Variants in RPH3A observed in about 807,000 individuals in gnomAD.
The protein encoded by RPH3A is rabphilin-3A.
Under a neutral mutation model 102.2 loss-of-function variants are expected in RPH3A, and 48 were observed. That is an observed-to-expected ratio of 0.47 (90% CI 0.37 to 0.60). The LOEUF (loss-of-function observed/expected upper bound fraction) is 0.60. Among genes scored for constraint, RPH3A ranks in the 20% least tolerant of loss-of-function variants. The pLI, the probability that RPH3A is intolerant of heterozygous loss-of-function variation, is 0.00. For missense variants in RPH3A, 781 were observed against 910.1 expected (o/e 0.86, Z 1.83); for synonymous variants, 310 against 324.3 (o/e 0.96, Z 0.47).
chr12:112,727,404 A>AT (rs1415017382), intron 1 of RPH3A, among the ~76,000 whole-genome samples: 151 of 129,812 alleles, frequency 1.2e-3, no homozygotes, highest in African/African-American at 3.6e-3. Flanking sequence ...AAAAAAAAAA[A>AT]AAATATATAT....
chr12:112,797,505 C>T (rs935130324), intron 2 of RPH3A, among the ~76,000 whole-genome samples: 1 of 152,000 alleles, frequency 6.6e-6, no homozygotes, highest in Non-Finnish European at 1.5e-5. Context: ...AGGAGTGTGA[C>T]CTGGATTTAG....
intron 1 of RPH3A, among the ~76,000 whole-genome samples, chr12:112,621,007 A>ATT (rs200365954): frequency 6.8e-4 from 96 of 142,018 alleles, no homozygotes; most frequent in African/African-American, 2.4e-3. Flanking sequence ...TTTTAACATT[A>ATT]TTATTTTTTT....
chr12:112,831,629 C>T (rs2041972106), intron 3 of RPH3A: 9 of 254,908 alleles, frequency 3.5e-5, no homozygotes, highest in East Asian at 2.4e-4. Flanking sequence ...CTTGGTGCTT[C>T]TTGGGGCCAC....
At chr12:112,826,103 CG>C (rs140443852) in intron 2 of RPH3A, among the ~76,000 whole-genome samples, 31,938 of 152,012 alleles carry the variant, frequency 0.21, 4,089 homozygotes, top group African/African-American at 0.36. Context: ...ACACCGACCC[CG>C]CTGTGGGAGC....
At chr12:112,668,333 C>T (rs1307676609) in intron 1 of RPH3A, among the ~76,000 whole-genome samples, 3 of 152,158 alleles carry the variant, frequency 2.0e-5, no homozygotes, top group African/African-American at 7.2e-5. Context: ...TTAGAGCGAC[C>T]AGTGATGCTT....
At chr12:112,690,053 A>C (rs2136021489) in intron 1 of RPH3A, among the ~76,000 whole-genome samples, 1 of 152,366 alleles carries the variant, frequency 6.6e-6, no homozygotes, top group East Asian at 1.9e-4. Flanking sequence ...AAATGTAAGA[A>C]GTACTAACAA....
chr12:112,651,377 C>G (rs1043192538), intron 1 of RPH3A, among the ~76,000 whole-genome samples: 54 of 125,064 alleles, frequency 4.3e-4, no homozygotes, highest in African/African-American at 1.3e-3. Context: ...ACCAAAAAAA[C>G]CCCCAAAAAA....
At chr12:112,619,755 T>C (rs1357105246) in intron 1 of RPH3A, among the ~76,000 whole-genome samples, 1 of 152,176 alleles carries the variant, frequency 6.6e-6, no homozygotes, top group East Asian at 1.9e-4. Flanking sequence ...GAAGTCTGAT[T>C]TGCTTTTTTT....
chr12:112,854,303 G>T (rs1565921011), intron 5 of RPH3A, among the ~76,000 whole-genome samples: 2 of 152,234 alleles, frequency 1.3e-5, no homozygotes, highest in East Asian at 3.8e-4. Flanking sequence ...GAGAAGGAAT[G>T]GGAGATGAAA....
intron 1 of RPH3A, among the ~76,000 whole-genome samples, chr12:112,648,570 C>CAAAAAAAAAAAAAAAA (rs1167121829): frequency 0.028 from 308 of 11,044 alleles, 142 homozygotes; most frequent in East Asian, 0.065. Context: ...CCCATCTCTA[C>CAAAAAAAAAAAAAAAA]AAAAAAAAAA....
chr12:112,608,985 T>C (rs893314344), intron 1 of RPH3A, among the ~76,000 whole-genome samples: 1 of 152,234 alleles, frequency 6.6e-6, no homozygotes, highest in African/African-American at 2.4e-5. Flanking sequence ...AAATTCACTT[T>C]TTTAGTCATA....
At chr12:112,668,128 G>A (rs1371276976) in intron 1 of RPH3A, among the ~76,000 whole-genome samples, 3 of 152,018 alleles carry the variant, frequency 2.0e-5, no homozygotes, top group Non-Finnish European at 4.4e-5. Context: ...TTATTTAATT[G>A]ATCTATCTCT....
intron 4 of RPH3A, among the ~76,000 whole-genome samples, chr12:112,837,311 T>A (rs1433715770): frequency 6.6e-6 from 1 of 152,166 alleles, no homozygotes; most frequent in East Asian, 1.9e-4. Flanking sequence ...TCGAATGAGA[T>A]GTTTGCAGGA....
At chr12:112,836,562 C>T in intron 4 of RPH3A, 60 bp downstream of exon 4, 1 of 864,320 alleles carries the variant, frequency 1.2e-6, no homozygotes, top group Non-Finnish European at 1.7e-6. Context: ...ATCTCTTTCT[C>T]TGATCAAGGT....
At chr12:112,610,364 G>A (rs1289970045) in intron 1 of RPH3A, among the ~76,000 whole-genome samples, 4 of 151,846 alleles carry the variant, frequency 2.6e-5, no homozygotes, top group Admixed American at 6.6e-5. Flanking sequence ...TTAGCTTGGC[G>A]TGGTGGTAGG....
Position 112,875,186 on chromosome 12 carries a change from C to G in RPH3A, c.883+16C>G. 1 of 1,574,864 alleles carries G rather than the reference C, an allele frequency of 6.3e-7. No homozygotes were observed. Among genetic ancestry groups the G allele is most frequent in the Non-Finnish European group, 8.6e-7 (1 of 1,157,568 alleles). The stretch of plus-strand genomic sequence containing the variant: ...GGGCAGCCAGGTACCTGCCACTCAC[C>G]TGCTAGCACCTGCCCAGGCTGTCAC... On this transcript the variant is annotated intron_variant, in intron 11 of 21. Transcript: ENST00000389385.
intron 1 of RPH3A, among the ~76,000 whole-genome samples, chr12:112,676,561 C>A (rs936809917): frequency 6.6e-6 from 1 of 152,202 alleles, no homozygotes; most frequent in East Asian, 1.9e-4. Flanking sequence ...AATAAGAGAG[C>A]GACTAGGCCT....
At chr12:112,871,384 T>G (rs2384069) in intron 10 of RPH3A, among the ~76,000 whole-genome samples, 1 of 151,900 alleles carries the variant, frequency 6.6e-6, no homozygotes, top group Non-Finnish European at 1.5e-5. Flanking sequence ...AACCACTCTT[T>G]TTGATTCTGT....
chr12:112,793,313 G>A (rs773258831), intron 2 of RPH3A, among the ~76,000 whole-genome samples: 35 of 152,194 alleles, frequency 2.3e-4, no homozygotes, highest in Non-Finnish European at 4.1e-4. Context: ...GAATGCCCTT[G>A]TTTTTAGCAT....
Sources: gnomAD v4.1 joint callset for allele counts (sites outside exome capture counted in the v4.1 genomes callset) on GRCh38, gnomAD v4.1.1 for gene constraint, MANE v1.5 for transcripts, NCBI Gene and HGNC (gene_info 2026-07-23, HGNC 2026-07-21) for gene names.